PLXNA1: variants seen among roughly 807,000 people sequenced by gnomAD.
The protein encoded by PLXNA1 is plexin A1, also known as plexin-A1.
PLXNA1 carries 77 observed loss-of-function variants against 191.7 expected under a neutral mutation model. The ratio of observed to expected loss-of-function variants is 0.40; its 90% CI spans 0.33 to 0.49. The LOEUF (loss-of-function observed/expected upper bound fraction) is 0.49. PLXNA1 is among the 20% of genes least tolerant of loss of function. The pLI, the probability that PLXNA1 is intolerant of heterozygous loss-of-function variation, is 0.63. For missense variants in PLXNA1, 2,110 were observed against 2,660.2 expected, an observed-to-expected ratio of 0.79 and a Z score of 4.55; for synonymous variants, 1,137 against 1,156.4, an observed-to-expected ratio of 0.98 and a Z score of 0.34.
chr3:127,033,452 G>T (rs140243708), intron 31 of PLXNA1, among the ~76,000 whole-genome samples: 1 of 152,318 alleles, frequency 6.6e-6, no homozygotes, highest in East Asian at 1.9e-4. Context: ...ACCTTCCCCA[G>T]GGTGCCACAG....
At position 126,991,470 on chromosome 3, in the gene PLXNA1, C is replaced by T. The variant is rs553836544; in HGVS notation, c.1281C>T (p.Phe427=). The T allele has an allele frequency of 3.6e-5, 58 of 1,612,786 alleles. 1 individual carries two copies. In the Middle Eastern group the frequency reaches 1.2e-3, roughly 32 times the overall value. The stretch of plus-strand genomic sequence containing the variant: ...TCACCATTGAGGGGACGCCCCTGTT[C>T]GTGGACAAGGATGATGGCCTGACCG... ...GTVTIEGTPL[F]VDKDDGLTAV... is the part of the protein sequence containing the mutation. The change falls in exon 3 of 32, where the codon TTC becomes TTT. Residue 427 remains phenylalanine, a synonymous_variant. Coordinates refer to ENST00000393409, the MANE Select transcript of PLXNA1 (RefSeq NM_032242.4).
chr3:127,006,486 T>C (rs2079069594), intron 8 of PLXNA1, among the ~76,000 whole-genome samples: 1 of 152,194 alleles, frequency 6.6e-6, no homozygotes, highest in South Asian at 2.1e-4. Context: ...CACAGGGATC[T>C]TGTAGGGCCC....
In PLXNA1 at chr3:127,012,121, G is replaced by A. The variant is rs1470485905; in HGVS notation, c.2276G>A (p.Arg759His). 1.2e-6 allele frequency: 2 copies of A among 1,613,012 alleles called. No individual in the cohort carries two copies. Among genetic ancestry groups the A allele is most frequent in the East Asian group, 2.2e-5 (1 of 44,884 alleles). ...PGSPARVTAL[R>H]FNSSSLQCQN... Reference sequence around the variant, plus strand: ...AGCCCGGCCCGTGTCACCGCCCTGCGCTTCAACAGCTCCAGCCTGCAGTGC... The same window carrying A: ...AGCCCGGCCCGTGTCACCGCCCTGCACTTCAACAGCTCCAGCCTGCAGTGC... Residue 759 changes from arginine to histidine, a missense_variant, in exon 10 of 32, where the codon CGC (arginine) becomes CAC (histidine). Around this residue, in one of 4 missense-constraint regions of PLXNA1, gnomAD observed 644 missense variants for 714.3 expected, o/e 0.90. Coordinates refer to ENST00000393409, the MANE Select transcript of PLXNA1 (RefSeq NM_032242.4).
chr3:127,015,120 C>T, intron 14 of PLXNA1, 64 bp from the exon 15 acceptor site: 1 of 1,560,196 alleles, frequency 6.4e-7, no homozygotes. Context: ...CCAAGTGGGG[C>T]CTGTCCCCAT....
intron 23 of PLXNA1, 100 bp from the exon 24 acceptor site, chr3:127,027,840 C>A (rs762330246): frequency 4.6e-6 from 7 of 1,518,012 alleles, no homozygotes; most frequent in Admixed American, 1.8e-5. Flanking sequence ...GCTCATTTCT[C>A]CTTGCCAGGA....
chr3:127,007,355 C>T (rs1428626192), intron 8 of PLXNA1, among the ~76,000 whole-genome samples: 1 of 152,234 alleles, frequency 6.6e-6, no homozygotes, highest in African/African-American at 2.4e-5. Context: ...AGGTGATGTG[C>T]ATGGCCCTGT....
intron 16 of PLXNA1, 127 bp downstream of exon 16, chr3:127,016,811 C>A: frequency 2.2e-6 from 3 of 1,385,346 alleles, no homozygotes; most frequent in South Asian, 1.3e-5. Flanking sequence ...GGGAAGCACC[C>A]CTTGCCAAGA....
intron 3 of PLXNA1, among the ~76,000 whole-genome samples, 161 bp from the exon 4 acceptor site, chr3:127,003,169 C>CTGGGGA (rs2079048815): frequency 6.7e-6 from 1 of 150,146 alleles, no homozygotes; most frequent in Non-Finnish European, 1.5e-5. Flanking sequence ...GGGGCTGGGG[C>CTGGGGA]TGGGGATGTG....
At chr3:127,012,302 G>A in intron 10 of PLXNA1, 144 bp downstream of exon 10, 4 of 854,546 alleles carry the variant, frequency 4.7e-6, no homozygotes, top group Non-Finnish European at 7.2e-6. Context: ...GCCACTCCTG[G>A]CTTCCCCAGG....
At position 127,018,539 on chromosome 3, in the gene PLXNA1, G is replaced by T. The variant is rs1163632298; in HGVS notation, c.3895+11G>T. ...TCGAATGCAAGGAAGGTCTGTTGGG[G>T]CCAGGGCTCACTGGGGCAACTGCCA... On this transcript the variant is annotated intron_variant, in intron 20 of 31. Coordinates refer to ENST00000393409, the MANE Select transcript of PLXNA1 (RefSeq NM_032242.4). 6.3e-7 allele frequency: 1 copy of T among 1,596,260 alleles called. No homozygotes were observed. Among genetic ancestry groups the T allele is most frequent in the Non-Finnish European group, 8.6e-7 (1 of 1,167,450 alleles).
At chr3:127,016,836 C>T in intron 16 of PLXNA1, 108 bp from the exon 17 acceptor site, 1 of 1,389,644 alleles carries the variant, frequency 7.2e-7, no homozygotes, top group Non-Finnish European at 1.0e-6. Flanking sequence ...TTACCTGTTT[C>T]CTGTCTTTGG....
intron 20 of PLXNA1, 85 bp downstream of exon 20, chr3:127,018,613 C>A: frequency 9.9e-7 from 1 of 1,009,844 alleles, no homozygotes; most frequent in East Asian, 2.5e-5. Context: ...CCCACCGCCG[C>A]CCCCACCCTG....
At chr3:127,012,707 C>T (rs2079101890) in intron 10 of PLXNA1, among the ~76,000 whole-genome samples, 2 of 152,270 alleles carry the variant, frequency 1.3e-5, no homozygotes. Context: ...TCAGATCTGA[C>T]ACAATAGTGT....
chr3:126,989,522 G>A lies in PLXNA1; in HGVS notation c.929G>A (p.Arg310His), dbSNP rs780455982. 1.9e-6 allele frequency: 3 copies of A among 1,613,350 alleles called. No homozygotes were observed. Among genetic ancestry groups the A allele is most frequent in the South Asian group, 1.1e-5 (1 of 91,084 alleles). Residue 310 changes from arginine (R) to histidine (H), a missense_variant, in exon 2 of 32, where the codon CGC (arginine) becomes CAC (histidine). By Grantham distance (29) the Arg-to-His change is conservative. Coordinates refer to ENST00000393409, the MANE Select transcript of PLXNA1 (RefSeq NM_032242.4). ...IGCEQAGVEY[R>H]LVQDAYLSRP... The stretch of plus-strand genomic sequence containing the variant: ...TGCGAGCAGGCGGGTGTGGAGTACC[G>A]CCTGGTGCAGGATGCCTACCTGAGC...
At chr3:126,985,573 G>C (rs908888126) in intron 1 of PLXNA1, among the ~76,000 whole-genome samples, 1 of 132,374 alleles carries the variant, frequency 7.6e-6, no homozygotes, top group African/African-American at 2.9e-5. Context: ...GCCTTTCCCC[G>C]GCCACAGTGG....
In PLXNA1 at chr3:127,029,576, T is replaced by TCC. The variant is rs1559966689; in HGVS notation, c.4870+42_4870+43dup. 3.8e-6 allele frequency: 6 copies of TCC among 1,591,040 alleles called. No individual in the cohort carries two copies. In the East Asian group the frequency reaches 1.1e-4, roughly 30 times the overall value. On this transcript the variant is annotated intron_variant, in intron 27 of 31. Transcript: ENST00000393409. ...AGCGGGCGAGAGGGCAGCGCATGGG[T>TCC]CCCTGGCCTGGGCAGGACGTCCCCC...
chr3:126,991,982 C>G (rs1194433135), intron 3 of PLXNA1, among the ~76,000 whole-genome samples: 1 of 152,154 alleles, frequency 6.6e-6, no homozygotes, highest in Non-Finnish European at 1.5e-5. Flanking sequence ...AGCACTCTGC[C>G]GGGCCAGAGG....
In PLXNA1 at chr3:127,005,102, G is replaced by T; in HGVS notation, c.1756G>T (p.Ala586Ser). Residue 586 changes from alanine to serine, a missense_variant, in exon 7 of 32, where the codon GCC (alanine) becomes TCC (serine). Physicochemically the swap from Ala to Ser is moderately conservative, Grantham distance 99 (BLOSUM62 1). Around this residue, in one of 4 missense-constraint regions of PLXNA1, gnomAD observed 903 missense variants for 1,015.7 expected, o/e 0.89. Coordinates refer to ENST00000393409, the MANE Select transcript of PLXNA1 (RefSeq NM_032242.4). Reference protein sequence around the residue: ...TMSQVPLVLQAWNVPDLSAGV... With the variant: ...TMSQVPLVLQSWNVPDLSAGV... ...GCTGCCTGCCCAGCTTGTGCTGCAG[G>T]CCTGGAACGTGCCTGACCTCTCAGC... The T allele has an allele frequency of 4.3e-6, 7 of 1,612,730 alleles. 1 individual carries two copies. The highest frequency in any genetic ancestry group is 5.9e-6 in the Non-Finnish European group (7 of 1,179,916).
intron 2 of PLXNA1, among the ~76,000 whole-genome samples, chr3:126,990,922 T>C (rs567569728): frequency 2.2e-3 from 342 of 152,274 alleles, no homozygotes; most frequent in African/African-American, 7.9e-3. Flanking sequence ...CTTTCATCCC[T>C]GGGGACAGTC....
Sources: gnomAD v4.1 joint callset for allele counts (sites outside exome capture counted in the v4.1 genomes callset) on GRCh38, gnomAD v4.1.1 for gene constraint, gnomAD v4.1.1 regional missense constraint, MANE v1.5 for transcripts, NCBI Gene and HGNC (gene_info 2026-07-23, HGNC 2026-07-21) for gene names.